The following COMMD10 variants were observed in gnomAD, a reference collection of about 807,000 sequenced individuals.
The protein encoded by COMMD10 is COMM domain-containing protein 10.
In COMMD10, 33 loss-of-function variants were observed where a neutral mutation model predicts 28.9. The observed-to-expected ratio is 1.14, with a 90% confidence interval of 0.87 to 1.53. The LOEUF (loss-of-function observed/expected upper bound fraction) is 1.53. COMMD10 is among the 40% of genes most tolerant of loss of function. COMMD10 has a pLI of 0.00. For missense variants in COMMD10, 310 were observed against 233.4 expected (o/e 1.33, Z -2.14); for synonymous variants, 110 against 81.7 (o/e 1.35, Z -1.87).
intron 5 of COMMD10, among the ~76,000 whole-genome samples, chr5:116,242,661 A>G (rs1749843518): frequency 6.6e-6 from 1 of 152,156 alleles, no homozygotes; most frequent in African/African-American, 2.4e-5. Context: ...AGAAAGAGGT[A>G]TATAGGATTC....
chr5:116,166,244 A>C (rs1753092067), intron 5 of COMMD10, among the ~76,000 whole-genome samples: 1 of 150,320 alleles, frequency 6.7e-6, no homozygotes. Flanking sequence ...ATTGTTTTTT[A>C]TAAAAATGTA....
At chr5:116,150,652 T>G (rs984637910) in intron 5 of COMMD10, among the ~76,000 whole-genome samples, 1 of 143,690 alleles carries the variant, frequency 7.0e-6, no homozygotes, top group Non-Finnish European at 1.5e-5. Context: ...GATTTGGCTC[T>G]CTGTTTGTCT....
At chr5:116,095,450 T>C (rs977082722) in intron 4 of COMMD10, among the ~76,000 whole-genome samples, 6 of 152,186 alleles carry the variant, frequency 3.9e-5, no homozygotes, top group Non-Finnish European at 5.9e-5. Flanking sequence ...TTGTGAATTA[T>C]TGTATTTTAA....
Position 116,142,654 on chromosome 5 carries a change from T to C in COMMD10, c.510+8476T>C, listed in dbSNP as rs551220746. ...TTAATAACTAGGTAATTAATTACTT[T>C]GGATTTTAGGAGGCCAGTAAAAAGC... is the stretch of plus-strand genomic sequence containing the variant. On this transcript the variant is annotated intron_variant, in intron 5 of 6. Transcript: ENST00000274458. Among the ~76,000 whole-genome samples the C allele has an allele frequency of 2.0e-5, 3 of 151,890 alleles. No homozygotes were observed. In the East Asian group the frequency reaches 5.8e-4, roughly 29 times the overall value.
intron 4 of COMMD10, among the ~76,000 whole-genome samples, chr5:116,107,004 G>T (rs906358175): frequency 6.6e-6 from 1 of 152,154 alleles, no homozygotes; most frequent in African/African-American, 2.4e-5. Context: ...TCATGTGTGA[G>T]TTTGATCCTG....
At chr5:116,254,275 G>T (rs1439437762) in intron 5 of COMMD10, among the ~76,000 whole-genome samples, 9 of 151,888 alleles carry the variant, frequency 5.9e-5, no homozygotes, top group Non-Finnish European at 1.3e-4. Flanking sequence ...TTTTTTGAAG[G>T]TTTTTTTGTG....
At chr5:116,117,383 A>G (rs781526509) in intron 4 of COMMD10, among the ~76,000 whole-genome samples, 32 of 152,208 alleles carry the variant, frequency 2.1e-4, no homozygotes, top group South Asian at 8.3e-4. Context: ...GAAAAGTCAT[A>G]TATGTGTGAA....
rs1370713086 is a variant in COMMD10, at chr5:116,203,560, G to A, written c.510+69382G>A. ...GGATCTCTCGGCAGAAACTCTACAA[G>A]CCAGAAGAGAGTGGGGGCCAATATT... On this transcript the variant is annotated intron_variant, in intron 5 of 6. Coordinates refer to ENST00000274458, the MANE Select transcript of COMMD10 (RefSeq NM_016144.4). Among the ~76,000 whole-genome samples, 8 of 152,236 alleles carry A rather than the reference G, an allele frequency of 5.3e-5. No individual in the cohort carries two copies. In the East Asian group the frequency reaches 1.5e-3, roughly 29 times the overall value.
At chr5:116,114,424 T>C (rs796869965) in intron 4 of COMMD10, among the ~76,000 whole-genome samples, 14 of 152,236 alleles carry the variant, frequency 9.2e-5, no homozygotes, top group African/African-American at 2.6e-4. Flanking sequence ...CTGTGTGGGC[T>C]GACCTCCAGG....
In COMMD10 at chr5:116,179,170, G is replaced by A. The variant is rs1747860713; in HGVS notation, c.510+44992G>A. Among the ~76,000 whole-genome samples, 3 of 152,038 alleles carry A rather than the reference G, an allele frequency of 2.0e-5. 1 individual carries two copies. The highest frequency in any genetic ancestry group is 7.2e-5 in the African/African-American group (3 of 41,398). ...TACAATGTGTAACTTTTATCTTCAG[G>A]AAGTTTATAACCTAATAAATAAGAT... On this transcript the variant is annotated intron_variant, in intron 5 of 6. Coordinates refer to ENST00000274458, the MANE Select transcript of COMMD10 (RefSeq NM_016144.4).
chr5:116,162,863 T>A (rs1752962129), intron 5 of COMMD10, among the ~76,000 whole-genome samples: 1 of 59,066 alleles, frequency 1.7e-5, no homozygotes, highest in African/African-American at 7.9e-5. Context: ...CTATTTTAGA[T>A]ACAACACCTT....
At chr5:116,119,609 A>T (rs1047031123) in intron 4 of COMMD10, among the ~76,000 whole-genome samples, 8 of 151,530 alleles carry the variant, frequency 5.3e-5, no homozygotes, top group African/African-American at 1.5e-4. Flanking sequence ...GCATCTTATT[A>T]TTTTTTTTCC....
chr5:116,120,760 T>A (rs1212469978), intron 4 of COMMD10, among the ~76,000 whole-genome samples: 2 of 151,964 alleles, frequency 1.3e-5, no homozygotes, highest in African/African-American at 4.8e-5. Flanking sequence ...TTTTTTTTTT[T>A]TTATTACAGA....
intron 5 of COMMD10, among the ~76,000 whole-genome samples, chr5:116,209,879 T>G (rs1263351460): frequency 6.6e-6 from 1 of 152,170 alleles, no homozygotes; most frequent in Non-Finnish European, 1.5e-5. Context: ...ATAGTTACTC[T>G]CTTTATTCTG....
At chr5:116,085,216 G>A in intron 1 of COMMD10, 123 bp downstream of exon 1, 2 of 716,906 alleles carry the variant, frequency 2.8e-6, no homozygotes, top group South Asian at 1.7e-5. Context: ...GTGGGGTGGG[G>A]TGGGGTGGGC....
At chr5:116,110,270 T>A (rs187722587) in intron 4 of COMMD10, among the ~76,000 whole-genome samples, 1 of 152,332 alleles carries the variant, frequency 6.6e-6, no homozygotes, top group Admixed American at 6.5e-5. Flanking sequence ...GGATTCTGTT[T>A]CCTAGTATTT....
At chr5:116,185,191 C>T (rs971327938) in intron 5 of COMMD10, among the ~76,000 whole-genome samples, 1 of 151,788 alleles carries the variant, frequency 6.6e-6, no homozygotes, top group Non-Finnish European at 1.5e-5. Context: ...TCCACAATGA[C>T]CCAAACTACA....
intron 5 of COMMD10, among the ~76,000 whole-genome samples, chr5:116,194,198 T>G (rs868220289): frequency 3.3e-5 from 5 of 151,990 alleles, no homozygotes; most frequent in African/African-American, 1.2e-4. Context: ...TAGCCCTAAA[T>G]GCCTAAATCC....
intron 2 of COMMD10, 21 bp from the exon 3 acceptor site, chr5:116,091,058 A>G: frequency 6.9e-7 from 1 of 1,449,100 alleles, no homozygotes; most frequent in South Asian, 1.2e-5. Flanking sequence ...CTAATATAAT[A>G]GATTGCTATT....
Sources: gnomAD v4.1 joint callset for allele counts (sites outside exome capture counted in the v4.1 genomes callset) on GRCh38, gnomAD v4.1.1 for gene constraint, MANE v1.5 for transcripts, NCBI Gene and HGNC (gene_info 2026-07-23, HGNC 2026-07-21) for gene names.